The following RGS6 variants were observed in gnomAD, a reference collection of about 807,000 sequenced individuals.
The protein encoded by RGS6 is regulator of G-protein signaling 6.
Under a neutral mutation model 78.5 loss-of-function variants are expected in RGS6, and 30 were observed. The observed-to-expected ratio is 0.38, with a 90% CI of 0.29 to 0.52. The LOEUF is 0.52. RGS6 is among the 20% of genes least tolerant of loss of function. The pLI is 0.85. For missense variants in RGS6, 495 were observed against 609.7 expected (o/e 0.81, Z 1.98); for synonymous variants, 206 against 206.0 (o/e 1.00, Z 0.00).
At chr14:72,551,732 T>C (rs1162783821) in intron 17 of RGS6, among the ~76,000 whole-genome samples, 1 of 152,236 alleles carries the variant, frequency 6.6e-6, no homozygotes, top group Non-Finnish European at 1.5e-5. Context: ...AGGGTAGATG[T>C]TGGCATTCAA....
At chr14:72,144,000 G>A (rs1477801909) in intron 2 of RGS6, among the ~76,000 whole-genome samples, 5 of 152,084 alleles carry the variant, frequency 3.3e-5, no homozygotes, top group Admixed American at 3.3e-4. Flanking sequence ...AGAAACAACT[G>A]GAATCATCTT....
chr14:72,032,869 G>T (rs938586972), intron 2 of RGS6, among the ~76,000 whole-genome samples: 1 of 152,076 alleles, frequency 6.6e-6, no homozygotes, highest in Admixed American at 6.6e-5. Flanking sequence ...TTGACATTTA[G>T]GTTACTTCTA....
At chr14:71,975,013 G>T (rs908999453) in intron 2 of RGS6, among the ~76,000 whole-genome samples, 1 of 152,156 alleles carries the variant, frequency 6.6e-6, no homozygotes, top group Non-Finnish European at 1.5e-5. Context: ...AATTAGCTGT[G>T]CATGTTAGTA....
At chr14:72,379,121 A>G (rs2085424883) in intron 3 of RGS6, among the ~76,000 whole-genome samples, 1 of 152,178 alleles carries the variant, frequency 6.6e-6, no homozygotes, top group South Asian at 2.1e-4. Flanking sequence ...AGCATTCAAT[A>G]CAATTCAACA....
intron 17 of RGS6, among the ~76,000 whole-genome samples, chr14:72,543,341 C>T (rs983422516): frequency 6.6e-5 from 10 of 152,210 alleles, no homozygotes; most frequent in African/African-American, 1.4e-4. Context: ...ACATGGCCAC[C>T]CTTGTCCGAG....
intron 3 of RGS6, among the ~76,000 whole-genome samples, chr14:72,391,425 T>C (rs1268926955): frequency 1.6e-4 from 24 of 152,174 alleles, no homozygotes; most frequent in Admixed American, 1.5e-3. Flanking sequence ...CACCTCTCAT[T>C]TGAGAGAGGC....
chr14:72,281,289 C>T (rs1426902484), intron 2 of RGS6, among the ~76,000 whole-genome samples: 2 of 151,866 alleles, frequency 1.3e-5, no homozygotes, highest in East Asian at 1.9e-4. Context: ...GCTGGGATTA[C>T]AGGTACCTGC....
chr14:72,618,423 G>C, the RGS6 span, among the ~76,000 whole-genome samples: 4 of 152,178 alleles, frequency 2.6e-5, 1 homozygote, highest in South Asian at 8.3e-4. Flanking sequence ...AGCTGAACCA[G>C]GTCTCCAGAA....
chr14:71,922,973 T>C, the RGS6 span, among the ~76,000 whole-genome samples: 3 of 152,152 alleles, frequency 2.0e-5, no homozygotes, highest in African/African-American at 7.2e-5. Context: ...CTTTTTGGGG[T>C]TCCTATGTGA....
At chr14:72,184,369 AACAC>A (rs10638767) in intron 2 of RGS6, among the ~76,000 whole-genome samples, 4,162 of 141,328 alleles carry the variant, frequency 0.029, 100 homozygotes, top group African/African-American at 0.073. Flanking sequence ...TTTACTTTCA[AACAC>A]ACACACACAC....
intron 13 of RGS6, among the ~76,000 whole-genome samples, chr14:72,506,599 C>A (rs1176790732): frequency 6.6e-6 from 1 of 152,072 alleles, no homozygotes; most frequent in African/African-American, 2.4e-5. Flanking sequence ...AACAGACTCC[C>A]AGTAGTGAAA....
At chr14:72,539,973 AC>A (rs2097299996) in intron 16 of RGS6, 67 bp from the exon 17 acceptor site, 4 of 1,370,088 alleles carry the variant, frequency 2.9e-6, no homozygotes, top group Non-Finnish European at 3.9e-6. Context: ...CTGTTTGGGA[AC>A]CACGTATAAG....
chr14:71,961,931 C>T (rs932613675), intron 1 of RGS6, among the ~76,000 whole-genome samples: 3 of 152,060 alleles, frequency 2.0e-5, no homozygotes, highest in African/African-American at 7.2e-5. Flanking sequence ...TGAATGAAAA[C>T]CTAGTCCTTT....
At chr14:72,537,653 T>A in intron 16 of RGS6, 2 of 655,322 alleles carry the variant, frequency 3.1e-6, no homozygotes, top group Non-Finnish European at 5.5e-6. Context: ...TTCTAAGAAC[T>A]AGAGGAAAGA....
intron 3 of RGS6, among the ~76,000 whole-genome samples, chr14:72,415,717 T>C (rs2093760144): frequency 6.6e-6 from 1 of 152,240 alleles, no homozygotes; most frequent in Non-Finnish European, 1.5e-5. Flanking sequence ...TTACCTGATA[T>C]GCACAACATT....
intron 3 of RGS6, among the ~76,000 whole-genome samples, chr14:72,357,607 T>C (rs1378492302): frequency 6.6e-6 from 1 of 152,174 alleles, no homozygotes; most frequent in Non-Finnish European, 1.5e-5. Flanking sequence ...CCCTAGAGAT[T>C]TGTGAAACTT....
chr14:72,502,413 A>C (rs2096738932), intron 13 of RGS6, among the ~76,000 whole-genome samples: 1 of 152,222 alleles, frequency 6.6e-6, no homozygotes, highest in South Asian at 2.1e-4. Context: ...TAGGAGAGTG[A>C]AAGAGACTAA....
intron 12 of RGS6, among the ~76,000 whole-genome samples, chr14:72,488,455 C>T (rs1056602038): frequency 2.0e-5 from 3 of 152,368 alleles, no homozygotes; most frequent in Non-Finnish European, 1.5e-5. Context: ...CCTAAACCAA[C>T]ATCACCATGA....
intron 2 of RGS6, among the ~76,000 whole-genome samples, chr14:71,981,410 T>TTGA (rs889959008): frequency 6.6e-5 from 10 of 152,204 alleles, no homozygotes; most frequent in African/African-American, 2.4e-4. Context: ...CTTTTGGTGT[T>TTGA]TGATGATGGT....
Sources: gnomAD v4.1 joint callset for allele counts (sites outside exome capture counted in the v4.1 genomes callset) on GRCh38, gnomAD v4.1.1 for gene constraint, MANE v1.5 for transcripts, NCBI Gene and HGNC (gene_info 2026-07-23, HGNC 2026-07-21) for gene names.